The following ADGRL2 variants were observed in gnomAD, a reference collection of about 807,000 sequenced individuals.
ADGRL2 encodes adhesion G protein-coupled receptor L2, also known as calcium-independent alpha-latrotoxin receptor 2.
A neutral mutation model predicts 157.4 loss-of-function variants in ADGRL2; 44 were observed. The observed-to-expected ratio is 0.28, with a 90% confidence interval of 0.22 to 0.36. The LOEUF (loss-of-function observed/expected upper bound fraction) is 0.36. ADGRL2 is among the 10% of genes least tolerant of loss of function. The pLI is 1.00. For synonymous variants in ADGRL2, 585 were observed against 624.7 expected (o/e 0.94, Z 0.95); for missense variants, 1,510 against 1,768.9 (o/e 0.85, Z 2.63).
At chr1:81,446,242 C>G (rs1041416310) in intron 2 of ADGRL2, among the ~76,000 whole-genome samples, 1 of 151,960 alleles carries the variant, frequency 6.6e-6, no homozygotes, top group African/African-American at 2.4e-5. Flanking sequence ...CACAGCACAG[C>G]GTAGTTGGAG....
At chr1:81,354,613 A>G (rs1570704406) in intron 1 of ADGRL2, among the ~76,000 whole-genome samples, 1 of 152,190 alleles carries the variant, frequency 6.6e-6, no homozygotes, top group South Asian at 2.1e-4. Context: ...CATAAAGCCT[A>G]CCCTGACAAC....
chr1:81,524,390 AC>A (rs1557757536), intron 2 of ADGRL2, among the ~76,000 whole-genome samples: 1 of 152,132 alleles, frequency 6.6e-6, no homozygotes, highest in Non-Finnish European at 1.5e-5. Context: ...TAAAAATCAT[AC>A]AAACATACAA....
intron 1 of ADGRL2, among the ~76,000 whole-genome samples, chr1:81,429,984 C>T (rs560971651): frequency 5.9e-5 from 9 of 152,302 alleles, no homozygotes; most frequent in East Asian, 5.8e-4. Flanking sequence ...ACCTCCGCCT[C>T]CTGGGTTCAA....
chr1:81,355,060 A>G (rs1234314555), intron 1 of ADGRL2, among the ~76,000 whole-genome samples: 2 of 152,230 alleles, frequency 1.3e-5, no homozygotes, highest in Non-Finnish European at 2.9e-5. Context: ...TCATTGCAAT[A>G]GACAGGCTTT....
intron 1 of ADGRL2, among the ~76,000 whole-genome samples, chr1:81,828,547 G>A (rs2091690025): frequency 1.3e-5 from 2 of 152,034 alleles, no homozygotes; most frequent in African/African-American, 4.8e-5. Flanking sequence ...GTTACCACAT[G>A]AAGGACTCTT....
chr1:81,505,133 C>T (rs548117369), intron 2 of ADGRL2: 31 of 446,394 alleles, frequency 6.9e-5, no homozygotes, highest in African/African-American at 4.1e-4. Context: ...TACCTCAGCC[C>T]GGTAAGCTGC....
intron 1 of ADGRL2, among the ~76,000 whole-genome samples, chr1:81,727,262 A>G (rs529157337): frequency 6.6e-6 from 1 of 152,350 alleles, no homozygotes; most frequent in African/African-American, 2.4e-5. Flanking sequence ...TTTATTGCAG[A>G]AAATTTAGAA....
intron 1 of ADGRL2, among the ~76,000 whole-genome samples, chr1:81,411,075 G>A (rs917936478): frequency 6.6e-6 from 1 of 152,118 alleles, no homozygotes; most frequent in Non-Finnish European, 1.5e-5. Context: ...ACTATTACTG[G>A]CTCCAAAATG....
chr1:81,480,052 G>T (rs563303473), intron 2 of ADGRL2, among the ~76,000 whole-genome samples: 94 of 152,270 alleles, frequency 6.2e-4, no homozygotes, highest in African/African-American at 2.2e-3. Context: ...TCACATAGCT[G>T]ATGATAGAAG....
At chr1:81,776,633 G>T (rs2086599153) in intron 2 of ADGRL2, among the ~76,000 whole-genome samples, 1 of 152,172 alleles carries the variant, frequency 6.6e-6, no homozygotes, top group Non-Finnish European at 1.5e-5. Flanking sequence ...TTTTTACTAT[G>T]TGTTGCTTTG....
chr1:81,357,187 A>G (rs1158007294), intron 1 of ADGRL2, among the ~76,000 whole-genome samples: 2 of 152,110 alleles, frequency 1.3e-5, no homozygotes, highest in Non-Finnish European at 2.9e-5. Flanking sequence ...CACTGAAGGA[A>G]GAACACTGTG....
At chr1:81,776,898 TC>T (rs1370264529) in intron 2 of ADGRL2, among the ~76,000 whole-genome samples, 1 of 152,166 alleles carries the variant, frequency 6.6e-6, no homozygotes, top group African/African-American at 2.4e-5. Context: ...AGAACCTACT[TC>T]TTAGGCTTAT....
At chr1:81,980,716 C>G in intron 18 of ADGRL2, 2 of 565,902 alleles carry the variant, frequency 3.5e-6, no homozygotes, top group Admixed American at 4.8e-5. Context: ...TTGCATGTTG[C>G]ATGGTAAGAG....
intron 3 of ADGRL2, among the ~76,000 whole-genome samples, chr1:81,664,549 C>A (rs939406126): frequency 6.6e-5 from 10 of 152,190 alleles, no homozygotes; most frequent in South Asian, 2.1e-4. Context: ...GAATCAAATT[C>A]TTTCAGTTCT....
rs79843202 is a variant in ADGRL2 at position 81,552,509 on chromosome 1, C to T, written c.-247-28367C>T. ...CTGTCTCCCATCTAAATGTGGATCT[C>T]TCTCCATAAATGTTAGTCTTTAAAA... On this transcript the variant is annotated intron_variant, in intron 2 of 24. Transcript: ENST00000370721. 2.7e-5 allele frequency among the ~76,000 whole-genome samples: 4 copies of T among 149,930 alleles called. No homozygotes were observed. The East Asian group carries it at 7.9e-4, about 30-fold the overall frequency.
At chr1:81,711,811 G>A (rs749075875) in intron 1 of ADGRL2, among the ~76,000 whole-genome samples, 6 of 152,118 alleles carry the variant, frequency 3.9e-5, no homozygotes, top group Admixed American at 3.3e-4. Context: ...CCCCCTGAAA[G>A]GGTCCAGGGA....
intron 2 of ADGRL2, among the ~76,000 whole-genome samples, chr1:81,564,077 C>G (rs2080504939): frequency 6.6e-6 from 1 of 152,054 alleles, no homozygotes; most frequent in African/African-American, 2.4e-5. Context: ...GTTTCTAACC[C>G]CAAAACAATG....
chr1:81,629,853 C>T (rs78794104), intron 3 of ADGRL2, among the ~76,000 whole-genome samples: 1 of 151,824 alleles, frequency 6.6e-6, no homozygotes, highest in Non-Finnish European at 1.5e-5. Context: ...AGCTTGCCAA[C>T]GTGCTGGGAT....
chr1:81,463,135 GAAA>G (rs1273540176), intron 2 of ADGRL2, among the ~76,000 whole-genome samples: 2 of 136,682 alleles, frequency 1.5e-5, no homozygotes, highest in South Asian at 2.3e-4. Context: ...AAAAAAAAAA[GAAA>G]AAGAAAAGAA....
Sources: allele counts gnomAD v4.1 joint callset (sites outside exome capture counted in the v4.1 genomes callset), GRCh38; gene constraint gnomAD v4.1.1; transcripts MANE v1.5; gene names NCBI Gene and HGNC (gene_info 2026-07-23, HGNC 2026-07-21).